TRMT11: variants seen among roughly 807,000 people sequenced by gnomAD.
TRMT11 encodes the protein tRNA methyltransferase 11.
A neutral mutation model predicts 62.8 loss-of-function variants in TRMT11; 53 were observed. The observed-to-expected ratio is 0.84, with a 90% CI of 0.68 to 1.06. The LOEUF (loss-of-function observed/expected upper bound fraction) is 1.06, where lower values mean the gene tolerates loss of function less well. Among genes scored for constraint, TRMT11 ranks in the 50% least tolerant of loss-of-function variants. The pLI, the probability that TRMT11 is intolerant of heterozygous loss-of-function variation, is 0.00. For missense variants in TRMT11, 556 were observed against 553.4 expected (o/e 1.00, Z -0.05); for synonymous variants, 188 against 190.3 (o/e 0.99, Z 0.10).
chr6:126,186,391 T>C (rs533609340), intron 1 of TRMT11, among the ~76,000 whole-genome samples: 1 of 152,286 alleles, frequency 6.6e-6, no homozygotes, highest in East Asian at 1.9e-4. Flanking sequence ...TAAATTCAAC[T>C]TCGAAACAAC....
chr6:126,229,932 T>A, the TRMT11 span, among the ~76,000 whole-genome samples: 1 of 152,210 alleles, frequency 6.6e-6, no homozygotes, highest in African/African-American at 2.4e-5. Flanking sequence ...CATCTTTCCT[T>A]TCATGGTTGA....
At chr6:126,111,660 A>G (rs1352571743) in intron 17 of TRMT11, among the ~76,000 whole-genome samples, 1 of 152,100 alleles carries the variant, frequency 6.6e-6, no homozygotes, top group Non-Finnish European at 1.5e-5. Flanking sequence ...CACACAGGAC[A>G]TGTACCATCT....
intron 17 of TRMT11, among the ~76,000 whole-genome samples, chr6:126,068,430 T>C (rs998290082): frequency 1.3e-5 from 2 of 152,212 alleles, no homozygotes; most frequent in Non-Finnish European, 2.9e-5. Context: ...TTCAGGTTTG[T>C]TTAGATCTGT....
intron 1 of TRMT11, among the ~76,000 whole-genome samples, chr6:126,189,693 T>G (rs1778572517): frequency 6.6e-6 from 1 of 152,110 alleles, no homozygotes. Context: ...TTATTGTTGG[T>G]TGGGGCTGCG....
At chr6:126,112,399 C>T (rs766004769) in intron 17 of TRMT11, among the ~76,000 whole-genome samples, 6 of 152,070 alleles carry the variant, frequency 3.9e-5, no homozygotes, top group Non-Finnish European at 8.8e-5. Flanking sequence ...TTATTTCTGT[C>T]TTTTCTTTTT....
chr6:126,270,027 A>G, the TRMT11 span, among the ~76,000 whole-genome samples: 1 of 152,214 alleles, frequency 6.6e-6, no homozygotes, highest in African/African-American at 2.4e-5. Context: ...TACATATTCA[A>G]AATGGAAGTA....
intron 21 of TRMT11, among the ~76,000 whole-genome samples, chr6:126,127,529 G>C (rs1481827769): frequency 6.6e-6 from 1 of 151,180 alleles, no homozygotes; most frequent in Non-Finnish European, 1.5e-5. Flanking sequence ...TATACTTTAA[G>C]TTTTAGGGTA....
downstream of TRMT11, among the ~76,000 whole-genome samples, chr6:126,040,891 G>C (rs1775857252): frequency 6.6e-6 from 1 of 152,038 alleles, no homozygotes; most frequent in Non-Finnish European, 1.5e-5. Context: ...AGTGGAGTAG[G>C]TGGTCTTTGT....
intron 21 of TRMT11, among the ~76,000 whole-genome samples, chr6:126,135,648 T>G (rs149265484): frequency 6.6e-6 from 1 of 151,790 alleles, no homozygotes; most frequent in Admixed American, 6.6e-5. Flanking sequence ...CAGCCAGCAT[T>G]AAGCTAATAC....
intron 17 of TRMT11, among the ~76,000 whole-genome samples, chr6:126,092,515 C>G (rs1324975766): frequency 1.3e-5 from 2 of 152,182 alleles, no homozygotes; most frequent in African/African-American, 4.8e-5. Flanking sequence ...CAGGGCCCTC[C>G]CACAACACGT....
the TRMT11 span, among the ~76,000 whole-genome samples, chr6:126,265,201 G>A: frequency 3.9e-5 from 6 of 152,084 alleles, no homozygotes; most frequent in African/African-American, 1.2e-4. Context: ...GTTTTGCTAT[G>A]AAACTCTAAA....
At chr6:126,248,087 G>A in the TRMT11 span, among the ~76,000 whole-genome samples, 1 of 152,102 alleles carries the variant, frequency 6.6e-6, no homozygotes, top group Non-Finnish European at 1.5e-5. Context: ...CAACCTATAA[G>A]TAAACGCCCA....
chr6:126,237,024 A>G, the TRMT11 span, among the ~76,000 whole-genome samples: 2 of 151,840 alleles, frequency 1.3e-5, no homozygotes, highest in Admixed American at 6.6e-5. Flanking sequence ...GAGGCTATCC[A>G]TGGTCTCCTA....
At chr6:126,176,131 G>T (rs192263902), upstream of TRMT11, among the ~76,000 whole-genome samples, 1,898 of 152,254 alleles carry the variant, frequency 0.012, 12 homozygotes, top group Non-Finnish European at 0.019. Flanking sequence ...TAGTGAAAAA[G>T]AAATTGGTAC....
At chr6:126,228,806 C>T in the TRMT11 span, among the ~76,000 whole-genome samples, 1 of 152,186 alleles carries the variant, frequency 6.6e-6, no homozygotes, top group Admixed American at 6.5e-5. Context: ...AGCATTTGGG[C>T]ACTGACAGTT....
At chr6:126,046,169 A>G (rs960913714) in intron 16 of TRMT11, among the ~76,000 whole-genome samples, 1 of 152,198 alleles carries the variant, frequency 6.6e-6, no homozygotes, top group Non-Finnish European at 1.5e-5. Context: ...AAACCGGGCC[A>G]GAACTTAAGA....
chr6:126,248,252 A>T, the TRMT11 span, among the ~76,000 whole-genome samples: 1 of 152,130 alleles, frequency 6.6e-6, no homozygotes, highest in Non-Finnish European at 1.5e-5. Flanking sequence ...GAGGTAAAAA[A>T]TGAGATCAAT....
intron 17 of TRMT11, among the ~76,000 whole-genome samples, chr6:126,088,033 C>CG (rs1279796526): frequency 6.6e-6 from 1 of 152,048 alleles, no homozygotes; most frequent in Non-Finnish European, 1.5e-5. Context: ...GCCAATAACT[C>CG]TGTTATTCAC....
chr6:126,204,208 G>A (rs1405671024), downstream of TRMT11, among the ~76,000 whole-genome samples: 3 of 152,072 alleles, frequency 2.0e-5, no homozygotes, highest in African/African-American at 7.2e-5. Context: ...ATTTTCTTCT[G>A]GACAGTCAAC....
Sources: gnomAD v4.1 joint callset for allele counts (sites outside exome capture counted in the v4.1 genomes callset) on GRCh38, gnomAD v4.1.1 for gene constraint, MANE v1.5 for transcripts, NCBI Gene and HGNC (gene_info 2026-07-23, HGNC 2026-07-21) for gene names.